Variants in DOCK3 observed in about 807,000 individuals in gnomAD.
DOCK3 encodes the protein dedicator of cytokinesis protein 3.
Under a neutral mutation model 265.6 loss-of-function variants are expected in DOCK3, and 60 were observed. The ratio of observed to expected loss-of-function variants is 0.23; its 90% CI spans 0.18 to 0.28. The LOEUF (loss-of-function observed/expected upper bound fraction) is 0.28. DOCK3 is among the 10% of genes least tolerant of loss of function. The probability of loss-of-function intolerance (pLI) is 1.00; values close to 1 mark genes in which losing one functional copy is unlikely to be tolerated. For synonymous variants in DOCK3, 881 were observed against 938.0 expected, an observed-to-expected ratio of 0.94 and a Z score of 1.11; for missense variants, 1,981 against 2,594.3, an observed-to-expected ratio of 0.76 and a Z score of 5.14.
intron 4 of DOCK3, among the ~76,000 whole-genome samples, chr3:50,920,933 A>G (rs1256376485): frequency 6.6e-6 from 1 of 152,110 alleles, no homozygotes; most frequent in East Asian, 1.9e-4. Context: ...TGTCCCAGAG[A>G]TTCTGGTATG....
chr3:50,854,364 T>C (rs1418754458), intron 3 of DOCK3, among the ~76,000 whole-genome samples: 1 of 151,834 alleles, frequency 6.6e-6, no homozygotes. Context: ...TCTTAGTTAT[T>C]ATAATTACTC....
chr3:50,939,807 A>G (rs2076234728), intron 5 of DOCK3, among the ~76,000 whole-genome samples: 1 of 152,182 alleles, frequency 6.6e-6, no homozygotes. Context: ...TGAACAAGGC[A>G]AGGATGTTAG....
intron 9 of DOCK3, among the ~76,000 whole-genome samples, chr3:51,121,311 A>C (rs1040070661): frequency 6.6e-6 from 1 of 152,080 alleles, no homozygotes; most frequent in East Asian, 1.9e-4. Flanking sequence ...CTCGCCCTCC[A>C]TGGGCTACAC....
chr3:51,341,842 C>T lies in DOCK3; in HGVS notation c.3915+457C>T, dbSNP rs79508259. Among the ~76,000 whole-genome samples the T allele has an allele frequency of 1.1e-3, 163 of 152,356 alleles. 1 individual carries two copies. In the East Asian group the frequency reaches 0.025, roughly 24 times the overall value. On this transcript the variant is annotated intron_variant, in intron 38 of 52. Coordinates refer to ENST00000266037, the MANE Select transcript of DOCK3 (RefSeq NM_004947.5). ...TGTGTTCTTTTCTTAGATTTCCCTT[C>T]TCTACAGCACAGCCTGGGCTCCTCT... is the stretch of plus-strand genomic sequence containing the variant.
At chr3:50,681,343 T>A (rs947682796) in intron 1 of DOCK3, among the ~76,000 whole-genome samples, 2 of 152,196 alleles carry the variant, frequency 1.3e-5, no homozygotes, top group Admixed American at 1.3e-4. Context: ...TAATTTTTAA[T>A]AGTTTGTATT....
At chr3:51,146,173 T>A (rs529063664) in intron 9 of DOCK3, among the ~76,000 whole-genome samples, 4 of 152,368 alleles carry the variant, frequency 2.6e-5, no homozygotes, top group Admixed American at 1.3e-4. Context: ...TTTATGATGA[T>A]CTGAGTGCTC....
At chr3:50,702,287 G>T (rs1433814511) in intron 1 of DOCK3, among the ~76,000 whole-genome samples, 1 of 151,980 alleles carries the variant, frequency 6.6e-6, no homozygotes, top group Non-Finnish European at 1.5e-5. Flanking sequence ...TCATCTCTTT[G>T]ATTAAATTTA....
At chr3:51,306,770 C>T (rs113896144) in intron 27 of DOCK3, among the ~76,000 whole-genome samples, 2,361 of 152,214 alleles carry the variant, frequency 0.016, 53 homozygotes, top group African/African-American at 0.053. Context: ...AATTTCTACC[C>T]TTTTTGTTGG....
intron 2 of DOCK3, among the ~76,000 whole-genome samples, chr3:50,822,328 A>G (rs563578283): frequency 1.3e-5 from 2 of 152,234 alleles, no homozygotes; most frequent in South Asian, 2.1e-4. Flanking sequence ...TGGTGTATAG[A>G]AATGCTGTTG....
intron 12 of DOCK3, among the ~76,000 whole-genome samples, chr3:51,178,718 G>C (rs4927970): frequency 0.77 from 117,053 of 152,100 alleles, 46,310 homozygotes; most frequent in Middle Eastern, 0.89. Flanking sequence ...TGACCTTAAC[G>C]TATGTGATAA....
At chr3:51,039,573 T>G (rs1367678793) in intron 5 of DOCK3, among the ~76,000 whole-genome samples, 1 of 152,194 alleles carries the variant, frequency 6.6e-6, no homozygotes, top group Non-Finnish European at 1.5e-5. Flanking sequence ...TTTTTCTGAT[T>G]AGTAGTATTG....
At chr3:51,360,933 G>A (rs1337959321) in intron 47 of DOCK3, among the ~76,000 whole-genome samples, 2 of 152,138 alleles carry the variant, frequency 1.3e-5, no homozygotes, top group African/African-American at 2.4e-5. Context: ...TAGGAAAATC[G>A]ACTGACACAT....
At chr3:51,256,281 T>G (rs2079541436) in intron 22 of DOCK3, among the ~76,000 whole-genome samples, 1 of 152,240 alleles carries the variant, frequency 6.6e-6, no homozygotes, top group Non-Finnish European at 1.5e-5. Flanking sequence ...TTGTTTTGTT[T>G]TTTGAGACAC....
intron 12 of DOCK3, among the ~76,000 whole-genome samples, chr3:51,185,429 T>C (rs2087540492): frequency 6.6e-6 from 1 of 152,212 alleles, no homozygotes; most frequent in Non-Finnish European, 1.5e-5. Context: ...TTAAATATAA[T>C]GGTCAAGTAG....
Position 51,365,654 on chromosome 3 carries a change from A to G in DOCK3, c.5293+2980A>G, listed in dbSNP as rs866713911. ...TAAGTAGCTCTTATTATTTTGAGAT[A>G]TGTCCCATCAATACCTAGTTTATTG... On this transcript the variant is annotated intron_variant, in intron 49 of 52. Coordinates refer to ENST00000266037, the MANE Select transcript of DOCK3 (RefSeq NM_004947.5). Among the ~76,000 whole-genome samples the G allele has an allele frequency of 1.2e-4, 18 of 152,310 alleles. No individual in the cohort carries two copies. The Middle Eastern group carries it at 0.01, about 86-fold the overall frequency.
At chr3:50,771,969 A>G (rs2041306439) in intron 1 of DOCK3, among the ~76,000 whole-genome samples, 1 of 152,250 alleles carries the variant, frequency 6.6e-6, no homozygotes, top group Non-Finnish European at 1.5e-5. Context: ...GGAAATCAAT[A>G]TATCGAAGAG....
At chr3:51,146,364 T>G (rs991857135) in intron 9 of DOCK3, among the ~76,000 whole-genome samples, 185 bp from the exon 10 acceptor site, 1 of 152,134 alleles carries the variant, frequency 6.6e-6, no homozygotes, top group African/African-American at 2.4e-5. Flanking sequence ...CAGTTTGTAG[T>G]TTCCTTTGTA....
chr3:50,966,888 T>A (rs2077049632), intron 5 of DOCK3, among the ~76,000 whole-genome samples: 1 of 152,050 alleles, frequency 6.6e-6, no homozygotes, highest in South Asian at 2.1e-4. Context: ...ACATTTATAA[T>A]GCCATTTTTT....
At chr3:50,895,655 T>A (rs2048860863) in intron 4 of DOCK3, among the ~76,000 whole-genome samples, 1 of 152,126 alleles carries the variant, frequency 6.6e-6, no homozygotes, top group African/African-American at 2.4e-5. Context: ...CCTAATGCTA[T>A]CCCTCCCCTA....
Sources: allele counts gnomAD v4.1 joint callset (sites outside exome capture counted in the v4.1 genomes callset), GRCh38; gene constraint gnomAD v4.1.1; transcripts MANE v1.5; gene names NCBI Gene and HGNC (gene_info 2026-07-23, HGNC 2026-07-21).